Variants in ITPR1 observed in about 807,000 individuals in gnomAD.
ITPR1 encodes the protein inositol 1,4,5-trisphosphate receptor type 1.
Under a neutral mutation model 318.4 loss-of-function variants are expected in ITPR1, and 96 were observed. The ratio of observed to expected loss-of-function variants is 0.30; its 90% confidence interval spans 0.26 to 0.36. The LOEUF is 0.36. ITPR1 is among the 10% of genes least tolerant of loss of function. The probability of loss-of-function intolerance (pLI) is 1.00; values close to 1 mark genes in which losing one functional copy is unlikely to be tolerated. For missense variants in ITPR1, 2,440 were observed against 3,460.2 expected (o/e 0.71, Z 7.40); for synonymous variants, 1,312 against 1,289.9 (o/e 1.02, Z -0.37).
intron 32 of ITPR1, among the ~76,000 whole-genome samples, chr3:4,691,825 C>T (rs927612849): frequency 6.6e-6 from 1 of 152,136 alleles, no homozygotes; most frequent in Non-Finnish European, 1.5e-5. Flanking sequence ...ATCTTGTCTA[C>T]GTATATGGTT....
chr3:4,744,286 C>T (rs898357806), intron 44 of ITPR1, among the ~76,000 whole-genome samples: 21 of 152,228 alleles, frequency 1.4e-4, no homozygotes, highest in Admixed American at 7.2e-4. Flanking sequence ...CCACTGAATC[C>T]TCAACAGGTC....
At chr3:4,658,330 C>T (rs2093758856) in intron 13 of ITPR1, 52 bp downstream of exon 13, 5 of 1,469,298 alleles carry the variant, frequency 3.4e-6, no homozygotes, top group Non-Finnish European at 4.6e-6. Context: ...GTGTAGGTGG[C>T]CTGACCAGGT....
At chr3:4,680,473 G>T in intron 24 of ITPR1, 80 bp from the exon 25 acceptor site, 1 of 1,300,772 alleles carries the variant, frequency 7.7e-7, no homozygotes, top group Non-Finnish European at 1.1e-6. Flanking sequence ...ACCAGGCCCC[G>T]CCAGTGTGTG....
rs1447734488 is a variant in ITPR1, at chr3:4,775,402, G to C, written c.6140G>C (p.Ser2047Thr). The change falls in exon 47 of 62, where the codon AGT (serine) becomes ACT (threonine). Residue 2047 changes from serine (S) to threonine (T), a missense_variant. Ser to Thr is a moderately conservative substitution (Grantham distance 58). Coordinates refer to ENST00000649015, the MANE Select transcript of ITPR1 (RefSeq NM_001378452.1). ...NVALINQTLE[S>T]LTEYCQGPCH... ...GCGCTTATCAACCAAACCCTGGAAA[G>C]TCTGACCGAATACTGTCAAGGACCT... 1 of 1,613,942 alleles carries C rather than the reference G, an allele frequency of 6.2e-7. No individual in the cohort carries two copies. Among genetic ancestry groups the C allele is most frequent in the South Asian group, 1.1e-5 (1 of 91,086 alleles).
intron 4 of ITPR1, among the ~76,000 whole-genome samples, chr3:4,580,205 G>A (rs549063650): frequency 5.3e-5 from 8 of 151,998 alleles, no homozygotes; most frequent in East Asian, 3.9e-4. Context: ...GCCAGACTCC[G>A]TCTCAAAAAA....
intron 4 of ITPR1, among the ~76,000 whole-genome samples, chr3:4,532,149 G>T (rs2083467043): frequency 6.6e-6 from 1 of 152,058 alleles, no homozygotes; most frequent in Non-Finnish European, 1.5e-5. Context: ...TGCATTAACT[G>T]TGAGGACAGA....
Position 4,667,920 on chromosome 3 carries a change from AT to A in ITPR1, c.1886+375del, listed in dbSNP as rs2093986009. On this transcript the variant is annotated intron_variant, in intron 18 of 61. Transcript: ENST00000649015. ...ATTCACTTTTTAAAAAATGTTCTTA[AT>A]TTTAATTTTTAATTTTTGTGGGTAC... 1.3e-5 allele frequency among the ~76,000 whole-genome samples: 2 copies of A among 152,122 alleles called. 1 individual carries two copies. Among genetic ancestry groups the A allele is most frequent in the South Asian group, 4.1e-4 (2 of 4,824 alleles).
At chr3:4,663,558 C>G (rs1328699268) in intron 16 of ITPR1, among the ~76,000 whole-genome samples, 1 of 152,176 alleles carries the variant, frequency 6.6e-6, no homozygotes, top group African/African-American at 2.4e-5. Context: ...GTTCCCATAT[C>G]TCCTCTTGTC....
chr3:4,837,139 G>A (rs2050980810), intron 61 of ITPR1, among the ~76,000 whole-genome samples: 1 of 151,966 alleles, frequency 6.6e-6, no homozygotes. Flanking sequence ...TAAAGCCATG[G>A]TGCTACTTTC....
intron 42 of ITPR1, among the ~76,000 whole-genome samples, chr3:4,729,758 C>T (rs973454217): frequency 1.3e-5 from 2 of 152,106 alleles, no homozygotes; most frequent in Admixed American, 6.5e-5. Context: ...ATGACTTTTT[C>T]TTTTCTCAGT....
chr3:4,820,561 G>A (rs144744862), intron 60 of ITPR1, among the ~76,000 whole-genome samples: 3 of 152,332 alleles, frequency 2.0e-5, no homozygotes, highest in African/African-American at 4.8e-5. Flanking sequence ...AGCCTGCTGC[G>A]TGGCAACACT....
chr3:4,760,043 C>T (rs1232531501), intron 44 of ITPR1, among the ~76,000 whole-genome samples: 1 of 152,252 alleles, frequency 6.6e-6, no homozygotes, highest in African/African-American at 2.4e-5. Flanking sequence ...GTGTCTTCTG[C>T]TTTCCCAGCC....
chr3:4,563,407 G>A (rs1038860478), intron 4 of ITPR1, among the ~76,000 whole-genome samples: 4 of 152,108 alleles, frequency 2.6e-5, no homozygotes, highest in Admixed American at 6.5e-5. Flanking sequence ...TACTCAGGAG[G>A]CTGAGGTAGG....
chr3:4,555,926 C>T (rs760440050), intron 4 of ITPR1, among the ~76,000 whole-genome samples: 2 of 152,078 alleles, frequency 1.3e-5, no homozygotes, highest in East Asian at 1.9e-4. Flanking sequence ...TCATATGGCT[C>T]GAAGTCAGGA....
Position 4,836,084 on chromosome 3 carries a change from T to C in ITPR1, c.8029-690T>C, listed in dbSNP as rs145735247. 1.1e-3 allele frequency among the ~76,000 whole-genome samples: 160 copies of C among 152,336 alleles called. 1 individual carries two copies. The highest frequency in any genetic ancestry group is 3.8e-3 in the African/African-American group (157 of 41,572). The stretch of plus-strand genomic sequence containing the variant: ...CCACGCAAACGCATACATGCACACG[T>C]ATCTGTTAAGTGACAGAACACCTGG... On this transcript the variant is annotated intron_variant, in intron 60 of 61. Coordinates refer to ENST00000649015, the MANE Select transcript of ITPR1 (RefSeq NM_001378452.1).
chr3:4,821,229 G>T (rs1221424957), intron 60 of ITPR1, among the ~76,000 whole-genome samples: 2 of 152,234 alleles, frequency 1.3e-5, no homozygotes, highest in Non-Finnish European at 2.9e-5. Context: ...AGGGTATGTG[G>T]TCCTCAGGAA....
chr3:4,768,798 TC>T, intron 46 of ITPR1, 34 bp downstream of exon 46: 1 of 1,583,486 alleles, frequency 6.3e-7, no homozygotes, highest in Non-Finnish European at 8.6e-7. Flanking sequence ...TGGAGGGAGC[TC>T]GGGAAAGGCT....
intron 33 of ITPR1, among the ~76,000 whole-genome samples, chr3:4,696,158 A>C (rs9682063): frequency 6.6e-6 from 1 of 152,034 alleles, no homozygotes; most frequent in Admixed American, 6.5e-5. Context: ...AAAGTGTACA[A>C]TTGAGTGGTT....
At chr3:4,668,457 C>T (rs572642911) in intron 18 of ITPR1, among the ~76,000 whole-genome samples, 127 of 152,032 alleles carry the variant, frequency 8.4e-4, no homozygotes, top group Admixed American at 4.1e-3. Flanking sequence ...GGATCTCACT[C>T]TTTTCATTCC....
Sources: gnomAD v4.1 joint callset for allele counts (sites outside exome capture counted in the v4.1 genomes callset) on GRCh38, gnomAD v4.1.1 for gene constraint, MANE v1.5 for transcripts, NCBI Gene and HGNC (gene_info 2026-07-23, HGNC 2026-07-21) for gene names.